MEGF9: variants seen among roughly 807,000 people sequenced by gnomAD.
The protein encoded by MEGF9 is multiple EGF like domains 9, also known as multiple epidermal growth factor-like domains protein 9.
A neutral mutation model predicts 46.8 loss-of-function variants in MEGF9; 6 were observed. The observed-to-expected ratio is 0.13, with a 90% confidence interval of 0.07 to 0.25. The LOEUF is 0.25. Ranked by LOEUF, MEGF9 falls within the 10% of genes least tolerant of loss-of-function variation. MEGF9 has a pLI of 1.00. For synonymous variants in MEGF9, 302 were observed against 330.7 expected, an observed-to-expected ratio of 0.91 and a Z score of 0.94; for missense variants, 683 against 792.4, an observed-to-expected ratio of 0.86 and a Z score of 1.66.
Position 120,605,092 on chromosome 9 carries a change from G to C in MEGF9, c.*98C>G. 1.6e-6 allele frequency: 2 copies of C among 1,261,652 alleles called. No homozygotes were observed. The highest frequency in any genetic ancestry group is 2.9e-5 in the South Asian group (2 of 68,762). 78.2% of individuals were successfully genotyped at this position (1,261,652 alleles called of 1,614,324 possible). Reference sequence around the variant, plus strand: ...AATTTCAGATGCACTATTTGCCTTTGCTTTCTCAGCAAACTCTAGCCAGGC... The same window carrying C: ...AATTTCAGATGCACTATTTGCCTTTCCTTTCTCAGCAAACTCTAGCCAGGC... On this transcript the variant is annotated 3_prime_UTR_variant, in exon 6 of 6. Coordinates refer to ENST00000373930, the MANE Select transcript of MEGF9 (RefSeq NM_001080497.3). This position sits in a 1 kb window ranked among gnomAD's most constrained non-coding sequence, Gnocchi z 4.0.
At chr9:120,691,470 A>G (rs1457036210) in intron 1 of MEGF9, 4 of 468,092 alleles carry the variant, frequency 8.5e-6, no homozygotes, top group Non-Finnish European at 1.7e-5. Flanking sequence ...CAGGCCACTG[A>G]TGCCCTGAAC....
intron 1 of MEGF9, among the ~76,000 whole-genome samples, chr9:120,669,262 C>G (rs16910000): frequency 0.016 from 2,419 of 152,172 alleles, 62 homozygotes; most frequent in African/African-American, 0.055. Context: ...CAAATTTTCT[C>G]ATATTTCTCC....
At chr9:120,662,416 T>A (rs569469092) in intron 1 of MEGF9, among the ~76,000 whole-genome samples, 3 of 152,200 alleles carry the variant, frequency 2.0e-5, no homozygotes, top group Non-Finnish European at 4.4e-5. Flanking sequence ...CTATTATGAA[T>A]CCATAACAAT....
chr9:120,612,572 G>C (rs373569637), intron 3 of MEGF9, 33 bp from the exon 4 acceptor site: 3 of 1,566,180 alleles, frequency 1.9e-6, no homozygotes, highest in Non-Finnish European at 2.6e-6. Context: ...AAAAGTTAAA[G>C]ATTTACCTTG....
chr9:120,693,731 T>G (rs1237893952), intron 1 of MEGF9, among the ~76,000 whole-genome samples: 1 of 152,238 alleles, frequency 6.6e-6, no homozygotes, highest in Non-Finnish European at 1.5e-5. Flanking sequence ...ATACCATTAT[T>G]TGCTATTGTC....
Position 120,607,768 on chromosome 9 carries a change from C to T in MEGF9, c.1330G>A (p.Asp444Asn), listed in dbSNP as rs2043426013. 19 of 1,612,324 alleles carry T rather than the reference C, an allele frequency of 1.2e-5. No individual in the cohort carries two copies. The highest frequency in any genetic ancestry group is 2.2e-5 in the East Asian group (1 of 44,824). The change falls in exon 5 of 6, where the codon GAC becomes AAC. Residue 444 changes from aspartate (D) to asparagine (N), a missense_variant. This residue lies in a region of MEGF9 where 313 missense variants were observed against 421.1 expected (regional missense o/e 0.74). Transcript: ENST00000373930. Reference sequence around the variant, plus strand: ...TTCTTGATGCAATTTCCCTCGAGGTCGTGAACATAACCTTCTAGGCAGTTC... The same window carrying T: ...TTCTTGATGCAATTTCCCTCGAGGTTGTGAACATAACCTTCTAGGCAGTTC... ...CENCLEGYVH[D>N]LEGNCIKKEV...
At chr9:120,625,684 A>C (rs1347196579) in intron 2 of MEGF9, among the ~76,000 whole-genome samples, 1 of 151,808 alleles carries the variant, frequency 6.6e-6, no homozygotes, top group East Asian at 1.9e-4. Context: ...AAATACAAAA[A>C]TTAGCAGGGC....
chr9:120,652,120 C>G (rs1030163432), intron 2 of MEGF9, among the ~76,000 whole-genome samples: 9 of 131,390 alleles, frequency 6.8e-5, no homozygotes, highest in African/African-American at 2.6e-4. Flanking sequence ...AATTCTATTC[C>G]TCAGTTAAAA....
intron 1 of MEGF9, among the ~76,000 whole-genome samples, chr9:120,706,345 G>A (rs115210496): frequency 2.9e-4 from 44 of 152,188 alleles, no homozygotes; most frequent in African/African-American, 1.0e-3. Flanking sequence ...TGCTGCTCCA[G>A]AAACTAATCA....
intron 2 of MEGF9, among the ~76,000 whole-genome samples, chr9:120,639,484 G>T (rs1422386509): frequency 6.8e-6 from 1 of 147,832 alleles, no homozygotes; most frequent in Non-Finnish European, 1.5e-5. Context: ...CTCCAGCCTG[G>T]GTGACAGAGT....
chr9:120,687,670 CTGTG>C (rs71385077), intron 1 of MEGF9, among the ~76,000 whole-genome samples: 6,429 of 141,934 alleles, frequency 0.045, 160 homozygotes, highest in African/African-American at 0.065. Context: ...GAACACAACA[CTGTG>C]TGTGTGTGTG....
chr9:120,711,387 A>T (rs2043952476), intron 1 of MEGF9, among the ~76,000 whole-genome samples: 1 of 152,244 alleles, frequency 6.6e-6, no homozygotes, highest in African/African-American at 2.4e-5. Flanking sequence ...GTTGCAAAAC[A>T]TGTATAGAAT....
At chr9:120,699,087 C>T (rs749987760) in intron 1 of MEGF9, among the ~76,000 whole-genome samples, 18 of 152,108 alleles carry the variant, frequency 1.2e-4, no homozygotes, top group Non-Finnish European at 2.5e-4. Flanking sequence ...CCAGGGAGTA[C>T]CAAGTCTCAA....
At chr9:120,635,204 T>C (rs1394717447) in intron 2 of MEGF9, among the ~76,000 whole-genome samples, 2 of 152,202 alleles carry the variant, frequency 1.3e-5, no homozygotes, top group African/African-American at 4.8e-5. Flanking sequence ...AAGACTCCCT[T>C]ATACATGACT....
At chr9:120,661,850 A>G (rs900184297) in intron 1 of MEGF9, among the ~76,000 whole-genome samples, 3 of 152,222 alleles carry the variant, frequency 2.0e-5, no homozygotes, top group African/African-American at 7.2e-5. Context: ...TCACTCCACC[A>G]GAAATGACCA....
chr9:120,652,054 A>C (rs1355021377), intron 2 of MEGF9, among the ~76,000 whole-genome samples: 1 of 151,082 alleles, frequency 6.6e-6, no homozygotes, highest in African/African-American at 2.4e-5. Context: ...CAAATACCCC[A>C]AAATCTACTC....
chr9:120,678,938 C>A (rs1012463009), intron 1 of MEGF9, among the ~76,000 whole-genome samples: 16 of 152,312 alleles, frequency 1.1e-4, no homozygotes, highest in South Asian at 2.1e-4. Context: ...CCATCTCACA[C>A]CAGTTACAAT....
chr9:120,707,795 C>T (rs951445989), intron 1 of MEGF9, among the ~76,000 whole-genome samples: 6 of 152,140 alleles, frequency 3.9e-5, no homozygotes, highest in South Asian at 2.1e-4. Context: ...GTAATCCCAG[C>T]ACTTTGGGAA....
intron 2 of MEGF9, among the ~76,000 whole-genome samples, chr9:120,635,486 T>C (rs2043570025): frequency 1.3e-5 from 2 of 152,206 alleles, no homozygotes; most frequent in Non-Finnish European, 2.9e-5. Context: ...TCTTGTAAGC[T>C]TTCTTTACTC....
Sources: allele counts gnomAD v4.1 joint callset (sites outside exome capture counted in the v4.1 genomes callset), GRCh38; gene constraint gnomAD v4.1.1; regional missense constraint gnomAD v4.1.1; non-coding constraint Gnocchi (gnomAD v3.1); transcripts MANE v1.5; gene names NCBI Gene and HGNC (gene_info 2026-07-23, HGNC 2026-07-21).